Variants in PDSS1 observed in about 807,000 individuals in gnomAD.
PDSS1 encodes the protein all trans-polyprenyl-diphosphate synthase PDSS1.
Under a neutral mutation model 57.5 loss-of-function variants are expected in PDSS1, and 43 were observed. That is an observed-to-expected ratio of 0.75 (90% CI 0.59 to 0.96). The LOEUF (loss-of-function observed/expected upper bound fraction) is 0.96. Among genes scored for constraint, PDSS1 ranks in the 50% least tolerant of loss-of-function variants. The probability of loss-of-function intolerance (pLI) is 0.00; values close to 1 mark genes in which losing one functional copy is unlikely to be tolerated. For missense variants in PDSS1, 438 were observed against 527.8 expected, an observed-to-expected ratio of 0.83 and a Z score of 1.67; for synonymous variants, 175 against 191.3, an observed-to-expected ratio of 0.91 and a Z score of 0.70.
chr10:26,726,868 C>G (rs1262001682), intron 8 of PDSS1, among the ~76,000 whole-genome samples: 2 of 152,056 alleles, frequency 1.3e-5, no homozygotes, highest in African/African-American at 4.8e-5. Flanking sequence ...TCAAGACCAG[C>G]CTGGCCAACA....
At chr10:26,699,397 CT>C (rs760230667) in intron 1 of PDSS1, among the ~76,000 whole-genome samples, 397 of 136,668 alleles carry the variant, frequency 2.9e-3, no homozygotes, top group African/African-American at 4.2e-3. Context: ...TCTTCTTCTT[CT>C]TTTTTTTTTT....
chr10:26,744,111 A>G (rs549368791), intron 11 of PDSS1, among the ~76,000 whole-genome samples: 69 of 152,334 alleles, frequency 4.5e-4, no homozygotes, highest in African/African-American at 1.6e-3. Flanking sequence ...AAAAATAACA[A>G]GAGCTACAAG....
intron 5 of PDSS1, among the ~76,000 whole-genome samples, chr10:26,719,306 A>T (rs189272701): frequency 1.2e-4 from 18 of 152,350 alleles, no homozygotes; most frequent in African/African-American, 4.3e-4. Flanking sequence ...TCTGAACTGT[A>T]AAATTTATAT....
At chr10:26,701,450 C>T (rs913803697) in intron 1 of PDSS1, among the ~76,000 whole-genome samples, 1 of 152,128 alleles carries the variant, frequency 6.6e-6, no homozygotes, top group Non-Finnish European at 1.5e-5. Flanking sequence ...CTGCTCTGTG[C>T]AAGAGCAGCC....
At chr10:26,705,035 C>G (rs1276037694) in intron 3 of PDSS1, among the ~76,000 whole-genome samples, 2 of 152,138 alleles carry the variant, frequency 1.3e-5, no homozygotes, top group Admixed American at 6.5e-5. Flanking sequence ...ACCCAGAGCA[C>G]AATGAACATA....
At chr10:26,730,362 C>A (rs988749264) in intron 8 of PDSS1, among the ~76,000 whole-genome samples, 1 of 151,988 alleles carries the variant, frequency 6.6e-6, no homozygotes, top group Non-Finnish European at 1.5e-5. Context: ...GTAATCCTAG[C>A]ACTTTGGGAG....
intron 8 of PDSS1, among the ~76,000 whole-genome samples, chr10:26,730,223 A>AT (rs1372494145): frequency 2.6e-5 from 4 of 151,730 alleles, no homozygotes; most frequent in Non-Finnish European, 4.4e-5. Flanking sequence ...AGTTGGATTC[A>AT]TTTTTATTCC....
chr10:26,734,572 T>G, intron 8 of PDSS1: 1 of 416,566 alleles, frequency 2.4e-6, no homozygotes. Flanking sequence ...GGGAAAAGGG[T>G]TTTTATACAG....
At chr10:26,734,590 T>G (rs1046609565) in intron 8 of PDSS1, 1 of 441,244 alleles carries the variant, frequency 2.3e-6, no homozygotes, top group African/African-American at 2.0e-5. Context: ...CAGTTACTTC[T>G]TTTGAGAGAA....
chr10:26,710,485 T>C (rs1479628508), intron 5 of PDSS1, among the ~76,000 whole-genome samples: 1 of 92,854 alleles, frequency 1.1e-5, no homozygotes, highest in African/African-American at 3.5e-5. Context: ...TGAGCCACCA[T>C]GCCCGGCTAA....
chr10:26,713,875 G>T (rs1338668545), intron 5 of PDSS1, among the ~76,000 whole-genome samples: 2 of 152,018 alleles, frequency 1.3e-5, no homozygotes, highest in African/African-American at 4.8e-5. Context: ...TGGTTACAAA[G>T]AGTCCTCTCA....
intron 1 of PDSS1, among the ~76,000 whole-genome samples, chr10:26,700,761 T>C (rs992499332): frequency 2.0e-5 from 3 of 152,132 alleles, no homozygotes; most frequent in Admixed American, 6.6e-5. Flanking sequence ...ACCTCTTTCC[T>C]ATAATTATAG....
intron 2 of PDSS1, among the ~76,000 whole-genome samples, chr10:26,703,594 CAT>C (rs774707165): frequency 7.9e-5 from 12 of 152,214 alleles, no homozygotes; most frequent in East Asian, 5.8e-4. Flanking sequence ...GACTGAAAGA[CAT>C]AGGTTGTCAT....
At chr10:26,699,595 A>G (rs1217615299) in intron 1 of PDSS1, among the ~76,000 whole-genome samples, 1 of 151,834 alleles carries the variant, frequency 6.6e-6, no homozygotes, top group African/African-American at 2.4e-5. Context: ...GCATTTCACC[A>G]TGTTGCCCAG....
rs1428346854 is a variant in PDSS1 at position 26,709,655 on chromosome 10, A to G, written c.354A>G (p.Thr118=). The G allele has an allele frequency of 3.7e-6, 6 of 1,613,562 alleles. No homozygotes were observed. The South Asian group carries it at 4.4e-5, about 12-fold the overall frequency. ...TATTTCAGGAACTGCTTATATCAAC[A>G]TCAGAACTTAAGGAAATGTCTGAGT... ...EDIRKELLIS[T]SELKEMSEYY... is the part of the protein sequence containing the mutation. The change falls in exon 5 of 12, where the codon ACA becomes ACG. Residue 118 remains threonine (T), a synonymous_variant. Coordinates refer to ENST00000376215, the MANE Select transcript of PDSS1 (RefSeq NM_014317.5).
chr10:26,703,555 T>C (rs1308307555), intron 2 of PDSS1, among the ~76,000 whole-genome samples: 1 of 152,212 alleles, frequency 6.6e-6, no homozygotes, highest in African/African-American at 2.4e-5. Context: ...AATAAAATAC[T>C]GAACTCATAT....
intron 1 of PDSS1, among the ~76,000 whole-genome samples, chr10:26,700,679 CCTT>C (rs1372423642): frequency 4.6e-5 from 7 of 152,078 alleles, no homozygotes; most frequent in Non-Finnish European, 7.4e-5. Flanking sequence ...GCTTGTTTCT[CCTT>C]CTCCTTCTTC....
At chr10:26,721,124 G>A (rs961521345) in intron 6 of PDSS1, among the ~76,000 whole-genome samples, 1 of 151,904 alleles carries the variant, frequency 6.6e-6, no homozygotes, top group African/African-American at 2.4e-5. Flanking sequence ...TGGCCAACAA[G>A]GCAAAACCCT....
In PDSS1 at chr10:26,705,751, A is replaced by G. The variant is rs192617503; in HGVS notation, c.336+357A>G. 4.6e-5 allele frequency among the ~76,000 whole-genome samples: 7 copies of G among 152,222 alleles called. No homozygotes were observed. The East Asian group carries it at 1.4e-3, about 29-fold the overall frequency. The stretch of plus-strand genomic sequence containing the variant: ...GGCCTCCCAAAGTGCTGGGATTACA[A>G]AAAAACAGTGCAGGTTTTCAGATCT... On this transcript the variant is annotated intron_variant, in intron 4 of 11. Coordinates refer to ENST00000376215, the MANE Select transcript of PDSS1 (RefSeq NM_014317.5).
Sources: allele counts gnomAD v4.1 joint callset (sites outside exome capture counted in the v4.1 genomes callset), GRCh38; gene constraint gnomAD v4.1.1; transcripts MANE v1.5; gene names NCBI Gene and HGNC (gene_info 2026-07-23, HGNC 2026-07-21).